MTUS2: variants seen among roughly 807,000 people sequenced by gnomAD.
MTUS2 encodes microtubule-associated tumor suppressor candidate 2.
MTUS2 carries 40 observed loss-of-function variants against 114.1 expected under a neutral mutation model. That is an observed-to-expected ratio of 0.35 (90% CI 0.27 to 0.46). The LOEUF (loss-of-function observed/expected upper bound fraction) is 0.46, where lower values mean the gene tolerates loss of function less well. Among genes scored for constraint, MTUS2 ranks in the 20% least tolerant of loss-of-function variants. The pLI is 1.00. For missense variants in MTUS2, 1,679 were observed against 1,705.4 expected (o/e 0.98, Z 0.27); for synonymous variants, 688 against 672.0 (o/e 1.02, Z -0.37).
rs1485517026 is a variant in MTUS2 at position 29,503,429 on chromosome 13, T to TA, written c.*224dup. 1.2e-5 allele frequency: 7 copies of TA among 594,062 alleles called. No homozygotes were observed. The highest frequency in any genetic ancestry group is 1.5e-5 in the Non-Finnish European group (5 of 334,608). 36.8% of individuals were successfully genotyped at this position (594,062 alleles called of 1,614,324 possible). A position where few individuals can be genotyped will look rare whatever the true frequency, so the allele number is the denominator to read the frequency against. ...TGATGTGCAAACGTTTTACCATAGT[T>TA]AGAGCCAAAAGAAAGACACTTGCAA... On this transcript the variant is annotated 3_prime_UTR_variant, in exon 16 of 16. Transcript: ENST00000612955.
chr13:28,991,621 G>C (rs934551207), intron 2 of MTUS2, among the ~76,000 whole-genome samples: 3 of 152,090 alleles, frequency 2.0e-5, no homozygotes, highest in Non-Finnish European at 2.9e-5. Flanking sequence ...GCCTGTCTCG[G>C]CCTCCCAAAG....
At chr13:29,198,865 G>C (rs967750015) in intron 5 of MTUS2, among the ~76,000 whole-genome samples, 5 of 152,028 alleles carry the variant, frequency 3.3e-5, no homozygotes, top group African/African-American at 1.2e-4. Flanking sequence ...TTGGCTCTCT[G>C]TTTGTCTATT....
chr13:29,037,108 T>A (rs546028866), intron 4 of MTUS2, among the ~76,000 whole-genome samples: 4 of 152,242 alleles, frequency 2.6e-5, no homozygotes, highest in Non-Finnish European at 5.9e-5. Flanking sequence ...ATAGTGTTGA[T>A]GGTAATTACA....
chr13:29,090,739 C>T (rs1403660601), intron 4 of MTUS2, among the ~76,000 whole-genome samples: 1 of 152,210 alleles, frequency 6.6e-6, no homozygotes, highest in Non-Finnish European at 1.5e-5. Flanking sequence ...GAGCCCTGCT[C>T]TCTTTAGGTC....
chr13:28,913,054 G>T (rs1880540783), intron 2 of MTUS2, among the ~76,000 whole-genome samples: 1 of 152,086 alleles, frequency 6.6e-6, no homozygotes, highest in Non-Finnish European at 1.5e-5. Context: ...GATGTCATTT[G>T]CAAACAAAGA....
At chr13:29,434,139 C>T (rs1398599609) in intron 8 of MTUS2, among the ~76,000 whole-genome samples, 1 of 152,026 alleles carries the variant, frequency 6.6e-6, no homozygotes, top group Non-Finnish European at 1.5e-5. Flanking sequence ...TAAAAAAAAT[C>T]AGGTGGGGAA....
chr13:28,870,989 A>G (rs1165719103), intron 2 of MTUS2, among the ~76,000 whole-genome samples: 1 of 152,180 alleles, frequency 6.6e-6, no homozygotes, highest in Non-Finnish European at 1.5e-5. Flanking sequence ...TCTACTGAGC[A>G]CTGGGCTAAG....
rs569053383 is a variant in MTUS2, at chr13:28,906,625, T to A, written c.-243+66775T>A. 4.0e-5 allele frequency among the ~76,000 whole-genome samples: 6 copies of A among 151,750 alleles called. 1 individual carries two copies. Among genetic ancestry groups the A allele is most frequent in the African/African-American group, 1.5e-4 (6 of 41,204 alleles). On this transcript the variant is annotated intron_variant, in intron 2 of 15. Coordinates refer to ENST00000612955, the MANE Select transcript of MTUS2 (RefSeq NM_001033602.4). ...TTGCACTGTGGTCTGAGAGACAGTTTGTTATAATTTCTGTTGTTTTACATT... is the reference window on the plus strand; with the variant it reads ...TTGCACTGTGGTCTGAGAGACAGTTAGTTATAATTTCTGTTGTTTTACATT...
chr13:29,098,379 T>C (rs1890264756), intron 4 of MTUS2, among the ~76,000 whole-genome samples: 1 of 152,190 alleles, frequency 6.6e-6, no homozygotes, highest in African/African-American at 2.4e-5. Flanking sequence ...ATGATATAGG[T>C]ACCATTAGAT....
chr13:29,219,966 T>C (rs1401100769), intron 5 of MTUS2, among the ~76,000 whole-genome samples: 2 of 152,202 alleles, frequency 1.3e-5, no homozygotes, highest in Non-Finnish European at 2.9e-5. Context: ...TGTTTTACTT[T>C]CTTATCATTC....
At chr13:29,476,353 T>C (rs1334378870) in intron 9 of MTUS2, among the ~76,000 whole-genome samples, 1 of 61,428 alleles carries the variant, frequency 1.6e-5, no homozygotes. Flanking sequence ...ACAACAGTGT[T>C]GTGGTAGGGT....
chr13:29,007,226 C>T (rs931878680), intron 2 of MTUS2, among the ~76,000 whole-genome samples: 1 of 151,908 alleles, frequency 6.6e-6, no homozygotes, highest in African/African-American at 2.4e-5. Context: ...CATAAGAAAA[C>T]AGTTGTTTTA....
chr13:29,255,795 G>T (rs977107837), intron 5 of MTUS2, among the ~76,000 whole-genome samples: 1 of 152,110 alleles, frequency 6.6e-6, no homozygotes, highest in African/African-American at 2.4e-5. Context: ...GAGCTAATGG[G>T]CCCAGCCACT....
At chr13:28,886,959 A>G (rs1206300842) in intron 2 of MTUS2, among the ~76,000 whole-genome samples, 2 of 152,200 alleles carry the variant, frequency 1.3e-5, no homozygotes, top group Non-Finnish European at 1.5e-5. Context: ...GAGCGCTAGG[A>G]GGCCAGTGTC....
rs1613167 is a variant in MTUS2 at position 28,922,708 on chromosome 13, C to A, written c.-243+82858C>A. On this transcript the variant is annotated intron_variant, in intron 2 of 15. Transcript: ENST00000612955. ...GCGGCCACTGTCAAGAGATGGGAGA[C>A]GGGTGGCATTGGCACTTCAAGACTG... is the stretch of plus-strand genomic sequence containing the variant. Among the ~76,000 whole-genome samples the A allele has an allele frequency of 2.0e-5, 3 of 152,176 alleles. No homozygotes were observed. In the East Asian group the frequency reaches 5.8e-4, roughly 29 times the overall value.
intron 5 of MTUS2, among the ~76,000 whole-genome samples, chr13:29,140,294 A>T (rs556421947): frequency 1.3e-5 from 2 of 152,304 alleles, no homozygotes; most frequent in South Asian, 4.1e-4. Flanking sequence ...TACCCACAGG[A>T]TGGGAAGGTG....
chr13:28,887,367 C>T (rs1305562293), intron 2 of MTUS2, among the ~76,000 whole-genome samples: 1 of 152,160 alleles, frequency 6.6e-6, no homozygotes. Flanking sequence ...CCTCCCATGT[C>T]TCTGACCACA....
chr13:29,365,449 A>T (rs1870622779), intron 8 of MTUS2, among the ~76,000 whole-genome samples: 1 of 151,126 alleles, frequency 6.6e-6, no homozygotes, highest in Non-Finnish European at 1.5e-5. Context: ...GGTGAAAACT[A>T]ATTGCCCCAT....
chr13:29,387,644 G>T (rs1346044816), intron 8 of MTUS2, among the ~76,000 whole-genome samples: 2 of 152,204 alleles, frequency 1.3e-5, no homozygotes, highest in African/African-American at 4.8e-5. Context: ...TGGCGTCCTG[G>T]ACAAAAGTAA....
Sources: allele counts gnomAD v4.1 joint callset (sites outside exome capture counted in the v4.1 genomes callset), GRCh38; gene constraint gnomAD v4.1.1; transcripts MANE v1.5; gene names NCBI Gene and HGNC (gene_info 2026-07-23, HGNC 2026-07-21).